The following ARMH3 variants were observed in gnomAD, a reference collection of about 807,000 sequenced individuals.
The protein encoded by ARMH3 is armadillo like helical domain containing 3.
A neutral mutation model predicts 99.1 loss-of-function variants in ARMH3; 60 were observed. The observed-to-expected ratio is 0.61, with a 90% CI of 0.49 to 0.75. ARMH3 has a LOEUF of 0.75. Among genes scored for constraint, ARMH3 ranks in the 30% least tolerant of loss-of-function variants. The probability of loss-of-function intolerance (pLI) is 0.00; values close to 1 mark genes in which losing one functional copy is unlikely to be tolerated. For synonymous variants in ARMH3, 285 were observed against 292.8 expected, an observed-to-expected ratio of 0.97 and a Z score of 0.27; for missense variants, 679 against 843.1, an observed-to-expected ratio of 0.81 and a Z score of 2.41.
At chr10:101,850,408 ATCTC>A (rs201648391) in intron 24 of ARMH3, among the ~76,000 whole-genome samples, 1,468 of 138,276 alleles carry the variant, frequency 0.011, 30 homozygotes, top group African/African-American at 0.034. Flanking sequence ...CAACTTTCTA[ATCTC>A]TCTCTCTCTC....
chr10:101,849,919 G>A, intron 24 of ARMH3, 27 bp from the exon 25 acceptor site: 1 of 1,601,240 alleles, frequency 6.2e-7, no homozygotes, highest in East Asian at 2.2e-5. Context: ...GCCAGGCAGG[G>A]CTTAGGCCAT....
chr10:101,891,163 T>A (rs1243413667), intron 23 of ARMH3, among the ~76,000 whole-genome samples: 1 of 151,562 alleles, frequency 6.6e-6, no homozygotes, highest in Admixed American at 6.6e-5. Flanking sequence ...CATGAGCCAT[T>A]GCTCCTGACG....
chr10:102,004,635 A>G (rs1240377260), intron 14 of ARMH3, among the ~76,000 whole-genome samples: 1 of 152,204 alleles, frequency 6.6e-6, no homozygotes, highest in Non-Finnish European at 1.5e-5. Context: ...GAACTCATAT[A>G]TATATATATG....
At chr10:101,997,169 G>A (rs920766567) in intron 15 of ARMH3, among the ~76,000 whole-genome samples, 1 of 152,138 alleles carries the variant, frequency 6.6e-6, no homozygotes, top group African/African-American at 2.4e-5. Context: ...GGAGGCTGAG[G>A]CAAGAGAATC....
At chr10:101,985,166 G>A (rs1005167188) in intron 19 of ARMH3, among the ~76,000 whole-genome samples, 2 of 146,882 alleles carry the variant, frequency 1.4e-5, no homozygotes, top group African/African-American at 2.5e-5. Flanking sequence ...GTATATATAC[G>A]TGTACACATA....
intron 8 of ARMH3, among the ~76,000 whole-genome samples, chr10:102,017,892 T>C (rs982147924): frequency 6.6e-6 from 1 of 152,206 alleles, no homozygotes; most frequent in African/African-American, 2.4e-5. Context: ...TCCATATCTC[T>C]TCTTATAAGA....
chr10:102,048,182 C>T (rs1169471263), intron 1 of ARMH3, among the ~76,000 whole-genome samples: 1 of 152,172 alleles, frequency 6.6e-6, no homozygotes, highest in African/African-American at 2.4e-5. Flanking sequence ...GTTGAAGCAA[C>T]ACTCACCTTA....
chr10:101,848,257 G>T (rs1013954587), intron 25 of ARMH3, among the ~76,000 whole-genome samples: 2 of 152,144 alleles, frequency 1.3e-5, no homozygotes, highest in African/African-American at 4.8e-5. Context: ...CTGCCCACTC[G>T]AGAGGAAAGT....
At chr10:101,862,719 C>A in intron 24 of ARMH3, among the ~76,000 whole-genome samples, 1 of 151,060 alleles carries the variant, frequency 6.6e-6, no homozygotes. Flanking sequence ...AAAAAAAAAC[C>A]CTCAGTAAAA....
chr10:101,925,843 G>T (rs1466085527), intron 23 of ARMH3, among the ~76,000 whole-genome samples: 1 of 152,144 alleles, frequency 6.6e-6, no homozygotes, highest in Admixed American at 6.5e-5. Flanking sequence ...CTCAGGAGGC[G>T]GAGGTTGCAG....
At chr10:101,956,189 C>T (rs1196427293) in intron 22 of ARMH3, among the ~76,000 whole-genome samples, 1 of 152,094 alleles carries the variant, frequency 6.6e-6, no homozygotes, top group African/African-American at 2.4e-5. Context: ...GTAAGTTATG[C>T]TAAAAATACA....
At chr10:102,053,032 G>A (rs1387836512) in intron 1 of ARMH3, among the ~76,000 whole-genome samples, 1 of 151,886 alleles carries the variant, frequency 6.6e-6, no homozygotes, top group African/African-American at 2.4e-5. Context: ...CTCTTCCTAA[G>A]AAGTTGAATC....
At chr10:101,985,371 A>C (rs1453564353) in intron 19 of ARMH3, among the ~76,000 whole-genome samples, 1 of 151,238 alleles carries the variant, frequency 6.6e-6, no homozygotes, top group Non-Finnish European at 1.5e-5. Context: ...ATACATGTAT[A>C]TATAATACGT....
At chr10:101,914,766 T>C (rs1843005912) in intron 23 of ARMH3, among the ~76,000 whole-genome samples, 1 of 146,106 alleles carries the variant, frequency 6.8e-6, no homozygotes, top group Non-Finnish European at 1.5e-5. Flanking sequence ...CTTGGGAGGC[T>C]GAGGCAGGAG....
rs1464213514 is a variant in ARMH3, at chr10:101,861,852, G to A, written c.1861-11960C>T. 1.4e-4 allele frequency among the ~76,000 whole-genome samples: 18 copies of A among 127,376 alleles called. No individual in the cohort carries two copies. In the East Asian group the frequency reaches 1.6e-3, roughly 11 times the overall value. The allele number at this position is 127,376 out of a possible 152,430, so 83.6% of individuals were successfully genotyped here. ...TCAAGACCATCCTGGCTAACACAGCGAAACGCCATCCCTACTAAAAATACC... is the reference window on the plus strand; with the variant it reads ...TCAAGACCATCCTGGCTAACACAGCAAAACGCCATCCCTACTAAAAATACC... On this transcript the variant is annotated intron_variant, in intron 24 of 25. Transcript: ENST00000370033.
At chr10:101,919,669 A>G (rs1843227463) in intron 23 of ARMH3, among the ~76,000 whole-genome samples, 1 of 152,112 alleles carries the variant, frequency 6.6e-6, no homozygotes, top group African/African-American at 2.4e-5. Context: ...GAAACATTCA[A>G]TACTTACTAA....
intron 15 of ARMH3, among the ~76,000 whole-genome samples, chr10:101,999,828 T>G (rs959432282): frequency 2.6e-5 from 4 of 152,176 alleles, no homozygotes; most frequent in Admixed American, 1.3e-4. Flanking sequence ...CCCATACCTG[T>G]AATCCCGGCA....
chr10:102,032,744 C>T (rs1171280911), intron 4 of ARMH3, among the ~76,000 whole-genome samples: 1 of 152,102 alleles, frequency 6.6e-6, no homozygotes, highest in Admixed American at 6.6e-5. Flanking sequence ...GCCTCAGTTT[C>T]CTCTCTACTT....
At chr10:101,868,733 T>C (rs1375502379) in intron 24 of ARMH3, among the ~76,000 whole-genome samples, 1 of 152,178 alleles carries the variant, frequency 6.6e-6, no homozygotes, top group Non-Finnish European at 1.5e-5. Context: ...GTACAGTATA[T>C]AATACATATA....
Sources: allele counts gnomAD v4.1 joint callset (sites outside exome capture counted in the v4.1 genomes callset), GRCh38; gene constraint gnomAD v4.1.1; transcripts MANE v1.5; gene names NCBI Gene and HGNC (gene_info 2026-07-23, HGNC 2026-07-21).